ABRACL: variants seen among roughly 807,000 people sequenced by gnomAD.
ABRACL encodes costars family protein ABRACL.
A neutral mutation model predicts 7.0 loss-of-function variants in ABRACL; 4 were observed. That is an observed-to-expected ratio of 0.57 (90% CI 0.28 to 1.30). The LOEUF (loss-of-function observed/expected upper bound fraction) is 1.30, where lower values mean the gene tolerates loss of function less well. Ranked by LOEUF, ABRACL falls within the 50% of genes most tolerant of loss-of-function variation. The pLI is 0.10. For synonymous variants in ABRACL, 30 were observed against 36.0 expected, an observed-to-expected ratio of 0.83 and a Z score of 0.60; for missense variants, 104 against 97.3, an observed-to-expected ratio of 1.07 and a Z score of -0.29.
intron 2 of ABRACL, among the ~76,000 whole-genome samples, chr6:139,036,983 C>T (rs772501988): frequency 6.8e-6 from 1 of 147,730 alleles, no homozygotes; most frequent in Non-Finnish European, 1.5e-5. Context: ...GACCCTGTCT[C>T]AAAACAAAAA....
chr6:139,041,481 CTA>C (rs1162897563), intron 2 of ABRACL, among the ~76,000 whole-genome samples: 4,863 of 73,888 alleles, frequency 0.066, 331 homozygotes, highest in African/African-American at 0.17. Context: ...TTCTATATTT[CTA>C]TATATATATA....
chr6:139,038,749 G>T (rs188537071), intron 2 of ABRACL, among the ~76,000 whole-genome samples: 2 of 152,148 alleles, frequency 1.3e-5, no homozygotes, highest in African/African-American at 4.8e-5. Flanking sequence ...CAAACTGGAA[G>T]TACCTAGAGG....
chr6:139,037,550 T>G (rs1404669504), intron 2 of ABRACL, among the ~76,000 whole-genome samples: 3 of 151,830 alleles, frequency 2.0e-5, no homozygotes, highest in African/African-American at 7.3e-5. Context: ...CGTGAGCCAC[T>G]TCATCTGGCC....
chr6:139,041,366 ACAGC>A (rs746171136), intron 2 of ABRACL, among the ~76,000 whole-genome samples: 2 of 150,160 alleles, frequency 1.3e-5, no homozygotes, highest in Non-Finnish European at 3.0e-5. Flanking sequence ...CTGGGCTCAA[ACAGC>A]CCTCTGCTTC....
intron 2 of ABRACL, among the ~76,000 whole-genome samples, chr6:139,041,449 C>CTATATATA (rs1283788812): frequency 1.5e-4 from 12 of 81,874 alleles, no homozygotes; most frequent in South Asian, 4.7e-4. Flanking sequence ...CTCTCTCTCT[C>CTATATATA]TCTATATATA....
intron 1 of ABRACL, 65 bp downstream of exon 1, chr6:139,028,940 C>G (rs1278545610): frequency 6.6e-6 from 1 of 152,278 alleles, no homozygotes; most frequent in Non-Finnish European, 1.5e-5. Context: ...CGTGGTGCGC[C>G]GCCGGGCACC....
chr6:139,035,054 T>A (rs1355018119), intron 2 of ABRACL, among the ~76,000 whole-genome samples: 1 of 152,206 alleles, frequency 6.6e-6, no homozygotes, highest in Non-Finnish European at 1.5e-5. Context: ...TTCTAGAAAG[T>A]ACCTCACAAG....
At chr6:139,041,451 C>CTATATATA (rs1554211122) in intron 2 of ABRACL, among the ~76,000 whole-genome samples, 38 of 110,040 alleles carry the variant, frequency 3.5e-4, no homozygotes, top group Middle Eastern at 4.4e-3. Flanking sequence ...CTCTCTCTCT[C>CTATATATA]TATATATATA....
chr6:139,032,047 G>A (rs1045510858), intron 1 of ABRACL, among the ~76,000 whole-genome samples: 90 of 151,324 alleles, frequency 5.9e-4, no homozygotes, highest in Admixed American at 1.1e-3. Context: ...TGCAAGCTCC[G>A]CCTCCCGGGT....
intron 2 of ABRACL, among the ~76,000 whole-genome samples, chr6:139,039,271 A>G (rs1355503665): frequency 6.6e-6 from 1 of 152,136 alleles, no homozygotes; most frequent in African/African-American, 2.4e-5. Flanking sequence ...CTTATAGTAC[A>G]TGGCATGCTA....
intron 1 of ABRACL, among the ~76,000 whole-genome samples, chr6:139,032,115 C>T (rs1019019384): frequency 5.9e-5 from 9 of 152,142 alleles, no homozygotes; most frequent in African/African-American, 1.4e-4. Flanking sequence ...CGCCCGCCAC[C>T]ACGCCCGGCT....
chr6:139,029,471 G>A (rs1326124060), intron 1 of ABRACL, among the ~76,000 whole-genome samples: 8 of 151,982 alleles, frequency 5.3e-5, no homozygotes, highest in African/African-American at 2.4e-5. Flanking sequence ...AGGCAGACCC[G>A]CGGCGCCGGG....
At chr6:139,038,040 G>C (rs1401004180) in intron 2 of ABRACL, among the ~76,000 whole-genome samples, 1 of 152,168 alleles carries the variant, frequency 6.6e-6, no homozygotes, top group East Asian at 1.9e-4. Context: ...GCCTTCCAAA[G>C]TGCTGGGATT....
chr6:139,034,110 G>A, intron 1 of ABRACL, 45 bp from the exon 2 acceptor site: 1 of 1,611,986 alleles, frequency 6.2e-7, no homozygotes, highest in Non-Finnish European at 8.5e-7. Context: ...TGTGCTTAAT[G>A]GAATGTAATG....
At chr6:139,037,379 G>C (rs577174808) in intron 2 of ABRACL, among the ~76,000 whole-genome samples, 19 of 152,200 alleles carry the variant, frequency 1.2e-4, no homozygotes, top group African/African-American at 4.6e-4. Flanking sequence ...TTGTGCCTCA[G>C]CCTCCCTGGT....
chr6:139,034,122 T>C, intron 1 of ABRACL, 33 bp from the exon 2 acceptor site: 1 of 1,613,658 alleles, frequency 6.2e-7, no homozygotes, highest in East Asian at 2.2e-5. Flanking sequence ...AATGTAATGG[T>C]GATAATTTAG....
intron 1 of ABRACL, among the ~76,000 whole-genome samples, chr6:139,031,226 A>G (rs1446836477): frequency 1.3e-5 from 2 of 152,278 alleles, no homozygotes; most frequent in South Asian, 2.1e-4. Flanking sequence ...ACAGATCCTT[A>G]CTATGTCTGC....
chr6:139,038,500 G>A (rs958028842), intron 2 of ABRACL, among the ~76,000 whole-genome samples: 7 of 152,214 alleles, frequency 4.6e-5, no homozygotes, highest in African/African-American at 1.7e-4. Context: ...TGATGTATGA[G>A]CTGAGGATGA....
At chr6:139,036,881 G>C (rs1786166117) in intron 2 of ABRACL, among the ~76,000 whole-genome samples, 1 of 152,166 alleles carries the variant, frequency 6.6e-6, no homozygotes, top group African/African-American at 2.4e-5. Flanking sequence ...CTATACTGGA[G>C]GCTGAGGCAG....
Sources: allele counts gnomAD v4.1 joint callset (sites outside exome capture counted in the v4.1 genomes callset), GRCh38; gene constraint gnomAD v4.1.1; transcripts MANE v1.5; gene names NCBI Gene and HGNC (gene_info 2026-07-23, HGNC 2026-07-21).